Variants in PDE10A observed in about 807,000 individuals in gnomAD.
PDE10A encodes the protein phosphodiesterase 10A.
A neutral mutation model predicts 97.7 loss-of-function variants in PDE10A; 39 were observed. That is an observed-to-expected ratio of 0.40 (90% CI 0.31 to 0.52). The LOEUF (loss-of-function observed/expected upper bound fraction) is 0.52, where lower values mean the gene tolerates loss of function less well. Among genes scored for constraint, PDE10A ranks in the 20% least tolerant of loss-of-function variants. The pLI is 0.56. For synonymous variants in PDE10A, 371 were observed against 376.8 expected (o/e 0.98, Z 0.18); for missense variants, 731 against 1,047.8 (o/e 0.70, Z 4.17).
intron 1 of PDE10A, among the ~76,000 whole-genome samples, chr6:165,652,726 G>A (rs1473297622): frequency 1.3e-5 from 2 of 152,086 alleles, no homozygotes; most frequent in African/African-American, 2.4e-5. Context: ...TTCTTACACA[G>A]TACTTACCAA....
intron 1 of PDE10A, among the ~76,000 whole-genome samples, chr6:165,674,231 C>G (rs1790729241): frequency 6.6e-6 from 1 of 152,024 alleles, no homozygotes; most frequent in African/African-American, 2.4e-5. Context: ...AAACAATAGC[C>G]GTGTCTCCCT....
At chr6:165,619,353 T>C (rs1583656705) in intron 1 of PDE10A, among the ~76,000 whole-genome samples, 1 of 151,330 alleles carries the variant, frequency 6.6e-6, no homozygotes, top group African/African-American at 2.4e-5. Context: ...TCTAGTGTAG[T>C]GTAGTCTAGT....
chr6:165,919,657 C>T (rs1477234650), intron 1 of PDE10A, among the ~76,000 whole-genome samples: 1 of 152,180 alleles, frequency 6.6e-6, no homozygotes, highest in Non-Finnish European at 1.5e-5. Context: ...GAGCTTGTGG[C>T]CTGTGCAGAA....
intron 5 of PDE10A, among the ~76,000 whole-genome samples, chr6:165,445,194 A>G (rs913751346): frequency 2.0e-5 from 3 of 152,228 alleles, no homozygotes; most frequent in African/African-American, 7.2e-5. Context: ...TGTATCTTCT[A>G]TTGCCAGCGA....
rs560548529 is a variant in PDE10A at position 165,829,169 on chromosome 6, T to C, written c.-615+158360A>G. On this transcript the variant is annotated intron_variant, in intron 1 of 19. Transcript: ENST00000366882. The stretch of plus-strand genomic sequence containing the variant: ...GTGTCCTTTTGATAGTGGCAGGCCC[T>C]AAGGATGCTCTCCAGCGCATCAGAG... Among the ~76,000 whole-genome samples, 73 of 152,292 alleles carry C rather than the reference T, an allele frequency of 4.8e-4. 1 individual carries two copies. In the South Asian group the frequency reaches 0.015, roughly 32 times the overall value.
At chr6:165,876,608 T>G (rs1781351738) in intron 1 of PDE10A, among the ~76,000 whole-genome samples, 1 of 152,190 alleles carries the variant, frequency 6.6e-6, no homozygotes, top group African/African-American at 2.4e-5. Flanking sequence ...CATTAGATTC[T>G]TTTTCTCCCC....
chr6:165,835,580 T>C (rs7741397), intron 1 of PDE10A, among the ~76,000 whole-genome samples: 40,637 of 152,126 alleles, frequency 0.27, 5,519 homozygotes, highest in South Asian at 0.38. Context: ...CCTTGTAGGA[T>C]TGGGGCTGAT....
intron 1 of PDE10A, among the ~76,000 whole-genome samples, chr6:165,844,767 T>C (rs955171436): frequency 6.6e-6 from 1 of 152,196 alleles, no homozygotes; most frequent in Non-Finnish European, 1.5e-5. Flanking sequence ...ATTAAAGAAA[T>C]AACAGCATGA....
At chr6:165,428,792 G>T in intron 9 of PDE10A, 83 bp from the exon 10 acceptor site, 2 of 563,600 alleles carry the variant, frequency 3.5e-6, no homozygotes, top group South Asian at 2.5e-5. Context: ...TCCTGGTTTT[G>T]TCTACATTTA....
chr6:165,409,487 C>T (rs138654798), intron 13 of PDE10A: 4,279 of 152,832 alleles, frequency 0.028, 91 homozygotes, highest in Middle Eastern at 0.077. Flanking sequence ...GCGGAGGTTG[C>T]AGTGAGCCAA....
chr6:165,966,545 C>A (rs574248618), intron 1 of PDE10A, among the ~76,000 whole-genome samples: 1 of 152,326 alleles, frequency 6.6e-6, no homozygotes, highest in South Asian at 2.1e-4. Context: ...GGGTGGGAAG[C>A]CCACTTGCTT....
chr6:165,586,117 C>G (rs1035075985), intron 1 of PDE10A, among the ~76,000 whole-genome samples: 3 of 152,162 alleles, frequency 2.0e-5, no homozygotes, highest in South Asian at 2.1e-4. Context: ...TCCCTGCCCC[C>G]CTTTTGCTTT....
rs1413235072 is a variant in PDE10A at position 165,388,186 on chromosome 6, G to GTTA, written c.2610+111_2610+112insTAA. The GTTA allele has an allele frequency of 1.2e-6, 1 of 843,114 alleles. No homozygotes were observed. The highest frequency in any genetic ancestry group is 1.9e-6 in the Non-Finnish European group (1 of 525,202). The allele number at this position is 843,114 out of a possible 1,614,324, so 52.2% of individuals were successfully genotyped here. On this transcript the variant is annotated intron_variant, in intron 17 of 21. Transcript: ENST00000539869. This position sits in a 1 kb window ranked among gnomAD's most constrained non-coding sequence, Gnocchi z 4.0. ...TAAATATAAGGTTCTACAATAAAAA[G>GTTA]TAGCTGTTGCTTTTAAGGAAGCCAT...
At chr6:165,656,294 A>G (rs1789961891) in intron 1 of PDE10A, among the ~76,000 whole-genome samples, 1 of 136,800 alleles carries the variant, frequency 7.3e-6, no homozygotes, top group Non-Finnish European at 1.6e-5. Flanking sequence ...ACACACACAC[A>G]CACCTTTCCA....
At chr6:165,848,069 T>C (rs1780469455) in intron 1 of PDE10A, among the ~76,000 whole-genome samples, 1 of 144,088 alleles carries the variant, frequency 6.9e-6, no homozygotes, top group Non-Finnish European at 1.5e-5. Flanking sequence ...GAGCCACTGA[T>C]TAAATTTCCA....
At chr6:165,938,780 G>A (rs57296542) in intron 1 of PDE10A, among the ~76,000 whole-genome samples, 5,019 of 151,314 alleles carry the variant, frequency 0.033, 144 homozygotes, top group African/African-American at 0.082. Context: ...ACACACACAC[G>A]CACTACATAT....
chr6:165,835,087 T>C (rs1265076395), intron 1 of PDE10A, among the ~76,000 whole-genome samples: 2 of 152,216 alleles, frequency 1.3e-5, no homozygotes, highest in African/African-American at 4.8e-5. Flanking sequence ...CAGAGGGCAG[T>C]TGGCGAGGAC....
chr6:165,702,236 G>A (rs1301644930), intron 1 of PDE10A, among the ~76,000 whole-genome samples: 3 of 152,214 alleles, frequency 2.0e-5, no homozygotes, highest in Non-Finnish European at 4.4e-5. Context: ...ACCACAGAAA[G>A]CAGAGAACAA....
chr6:165,370,855 A>C (rs1291904895), intron 18 of PDE10A, among the ~76,000 whole-genome samples: 1 of 150,154 alleles, frequency 6.7e-6, no homozygotes, highest in Non-Finnish European at 1.5e-5. Context: ...CAAATGTAAA[A>C]GAACAGAAAT....
Sources: gnomAD v4.1 joint callset for allele counts (sites outside exome capture counted in the v4.1 genomes callset) on GRCh38, gnomAD v4.1.1 for gene constraint, Gnocchi (gnomAD v3.1) non-coding constraint, MANE v1.5 for transcripts, NCBI Gene and HGNC (gene_info 2026-07-23, HGNC 2026-07-21) for gene names.